Variants in LDLRAD4 observed in about 807,000 individuals in gnomAD.
The protein encoded by LDLRAD4 is low-density lipoprotein receptor class A domain-containing protein 4.
LDLRAD4 carries 5 observed loss-of-function variants against 17.0 expected under a neutral mutation model. That is an observed-to-expected ratio of 0.29 (90% confidence interval 0.15 to 0.62). The LOEUF is 0.62. Among genes scored for constraint, LDLRAD4 ranks in the 20% least tolerant of loss-of-function variants. LDLRAD4 has a pLI of 0.84. For missense variants in LDLRAD4, 340 were observed against 424.7 expected (o/e 0.80, Z 1.75); for synonymous variants, 168 against 171.8 (o/e 0.98, Z 0.17).
intron 1 of LDLRAD4, chr18:13,240,643 T>C (rs978483592): frequency 1.4e-4 from 21 of 151,550 alleles, no homozygotes; most frequent in African/African-American, 5.2e-4. Context: ...CATGTGTGCA[T>C]GCGCATGTAT....
intron 3 of LDLRAD4, chr18:13,472,557 A>G (rs1357315502): frequency 6.6e-6 from 1 of 152,186 alleles, no homozygotes; most frequent in Non-Finnish European, 1.5e-5. Context: ...CTCTCCGCCA[A>G]TGAGAAATCC....
chr18:13,645,617 C>T lies in LDLRAD4; in HGVS notation c.881C>T (p.Pro294Leu). ...AACAATGCAGAGAGCACAATAGTAC[C>T]CATCAAAGGCAAAGATAGGAAGCCT... Residue 294 changes from proline (P) to leucine (L), a missense_variant, in exon 6 of 6, where the codon CCC becomes CTC. Transcript: ENST00000359446. This position sits in a 1 kb window ranked among gnomAD's most constrained non-coding sequence, Gnocchi z 5.7. 4 of 1,524,302 alleles carry T rather than the reference C, an allele frequency of 2.6e-6. No individual in the cohort carries two copies. Among genetic ancestry groups the T allele is most frequent in the Non-Finnish European group, 3.5e-6 (4 of 1,136,208 alleles). The allele number at this position is 1,524,302 out of a possible 1,614,324, so 94.4% of individuals were successfully genotyped here. A position where few individuals can be genotyped will look rare whatever the true frequency, so the allele number is the denominator to read the frequency against.
chr18:13,254,025 C>T (rs2043367833), intron 1 of LDLRAD4, among the ~76,000 whole-genome samples: 1 of 152,214 alleles, frequency 6.6e-6, no homozygotes, highest in Non-Finnish European at 1.5e-5. Context: ...TCAGATGAGT[C>T]AATGCAGACC....
chr18:13,398,858 C>T lies in LDLRAD4; in HGVS notation c.40+11096C>T, dbSNP rs147256821. Among the ~76,000 whole-genome samples the T allele has an allele frequency of 1.8e-3, 279 of 152,318 alleles. No individual in the cohort carries two copies. Among genetic ancestry groups the T allele is most frequent in the African/African-American group, 6.5e-3 (270 of 41,580 alleles). ...GTGTTGTTGCCTGGGACTCACTTCC[C>T]TACGGGGCATTGGTTCCAGTATTGT... On this transcript the variant is annotated intron_variant, in intron 2 of 5. Coordinates refer to ENST00000359446, the Ensembl canonical transcript of LDLRAD4. The surrounding 1 kb of genome is among the most constrained non-coding windows in gnomAD (Gnocchi z 4.8).
intron 3 of LDLRAD4, chr18:13,611,353 G>T (rs868497478): frequency 2.3e-6 from 1 of 432,560 alleles, no homozygotes; most frequent in Non-Finnish European, 3.1e-6. Flanking sequence ...CAGTGCTTGT[G>T]GTGGGGGTTA....
chr18:13,276,974 A>G (rs1250869773), upstream of LDLRAD4, among the ~76,000 whole-genome samples: 1 of 152,178 alleles, frequency 6.6e-6, no homozygotes, highest in Non-Finnish European at 1.5e-5. Context: ...GTGGAGGAAT[A>G]AAAACTAAGA....
chr18:13,510,020 T>C (rs1330298555), intron 3 of LDLRAD4, among the ~76,000 whole-genome samples: 1 of 152,246 alleles, frequency 6.6e-6, no homozygotes, highest in African/African-American at 2.4e-5. Flanking sequence ...ACCTAACTTT[T>C]ATATGCACTG....
At chr18:13,552,802 C>T (rs1468739951) in intron 3 of LDLRAD4, among the ~76,000 whole-genome samples, 1 of 152,172 alleles carries the variant, frequency 6.6e-6, no homozygotes, top group East Asian at 1.9e-4. Flanking sequence ...GTGCACGGTT[C>T]TTTACCGAGC....
At chr18:13,611,530 C>T (rs1002820511) in intron 3 of LDLRAD4, 1 of 985,042 alleles carries the variant, frequency 1.0e-6, no homozygotes, top group Admixed American at 6.1e-5. Flanking sequence ...ACTGTTTAGA[C>T]CTCGGGGAAA....
chr18:13,236,193 G>T (rs2042322381), intron 1 of LDLRAD4, among the ~76,000 whole-genome samples: 1 of 152,168 alleles, frequency 6.6e-6, no homozygotes, highest in Non-Finnish European at 1.5e-5. Context: ...GCTGGGCTGG[G>T]CAGTTCTGTG....
intron 3 of LDLRAD4, among the ~76,000 whole-genome samples, chr18:13,479,236 A>T (rs376048579): frequency 7.2e-5 from 11 of 152,368 alleles, no homozygotes; most frequent in East Asian, 5.8e-4. Flanking sequence ...TTTAGATATA[A>T]TACAAAAGGC....
chr18:13,352,462 G>A (rs188467629), intron 1 of LDLRAD4, among the ~76,000 whole-genome samples: 67 of 152,262 alleles, frequency 4.4e-4, no homozygotes, highest in African/African-American at 1.5e-3. Context: ...GCTGAACAAT[G>A]TGCTGATTAT....
chr18:13,416,547 TTA>T (rs748369811), intron 2 of LDLRAD4, among the ~76,000 whole-genome samples: 1 of 152,222 alleles, frequency 6.6e-6, no homozygotes, highest in Admixed American at 6.5e-5. Context: ...ACCGTTTGAA[TTA>T]TATGATGGCT....
At chr18:13,305,801 C>T (rs1341464800) in intron 1 of LDLRAD4, among the ~76,000 whole-genome samples, 1 of 152,206 alleles carries the variant, frequency 6.6e-6, no homozygotes, top group South Asian at 2.1e-4. Context: ...GGCACAAAAA[C>T]TTTGCACTTT....
chr18:13,497,756 C>A (rs1202458408), intron 3 of LDLRAD4, among the ~76,000 whole-genome samples: 2 of 152,190 alleles, frequency 1.3e-5, no homozygotes, highest in Admixed American at 1.3e-4. Context: ...TTCTGAAAGC[C>A]AAAGCTACAA....
At chr18:13,481,619 C>T (rs71353270) in intron 3 of LDLRAD4, among the ~76,000 whole-genome samples, 2 of 152,166 alleles carry the variant, frequency 1.3e-5, no homozygotes, top group African/African-American at 4.8e-5. Context: ...CGCACCTCTT[C>T]TGGGGCAGCA....
rs188169778 is a variant in LDLRAD4, at chr18:13,407,805, G to A, written c.40+20043G>A. On this transcript the variant is annotated intron_variant, in intron 2 of 5. Coordinates refer to ENST00000359446, the Ensembl canonical transcript of LDLRAD4. Reference sequence around the variant, plus strand: ...CCATTGCTTTTAATGACATATTTGTGTGTTTCTTATACTAGGGTCTGTCCC... The same window carrying A: ...CCATTGCTTTTAATGACATATTTGTATGTTTCTTATACTAGGGTCTGTCCC... Among the ~76,000 whole-genome samples the A allele has an allele frequency of 2.1e-3, 314 of 152,270 alleles. 2 individuals are homozygous for A. Among genetic ancestry groups the A allele is most frequent in the Non-Finnish European group, 3.3e-3 (226 of 68,020 alleles).
intron 3 of LDLRAD4, among the ~76,000 whole-genome samples, chr18:13,458,124 C>T (rs1012769029): frequency 6.6e-6 from 1 of 152,114 alleles, no homozygotes; most frequent in African/African-American, 2.4e-5. Context: ...AAGACTACAG[C>T]CTGCAGAACG....
At chr18:13,475,224 G>A (rs745364069) in intron 3 of LDLRAD4, among the ~76,000 whole-genome samples, 3 of 152,172 alleles carry the variant, frequency 2.0e-5, no homozygotes, top group Non-Finnish European at 2.9e-5. Context: ...CCAGTATGAG[G>A]AATGCCAGAT....
Sources: gnomAD v4.1 joint callset for allele counts (sites outside exome capture counted in the v4.1 genomes callset) on GRCh38, gnomAD v4.1.1 for gene constraint, Gnocchi (gnomAD v3.1) non-coding constraint, MANE v1.5 for transcripts, NCBI Gene and HGNC (gene_info 2026-07-23, HGNC 2026-07-21) for gene names.